Variants in CNTNAP2 observed in about 807,000 individuals in gnomAD.
CNTNAP2 encodes contactin associated protein 2, also known as contactin-associated protein-like 2.
CNTNAP2 carries 98 observed loss-of-function variants against 155.2 expected under a neutral mutation model. That is an observed-to-expected ratio of 0.63 (90% CI 0.54 to 0.75). CNTNAP2 has a LOEUF of 0.75. Among genes scored for constraint, CNTNAP2 ranks in the 30% least tolerant of loss-of-function variants. The pLI is 0.00. For missense variants in CNTNAP2, 1,727 were observed against 1,688.1 expected (o/e 1.02, Z -0.40); for synonymous variants, 651 against 631.2 (o/e 1.03, Z -0.47).
At chr7:147,030,404 T>C (rs1020431697) in intron 3 of CNTNAP2, among the ~76,000 whole-genome samples, 1 of 152,216 alleles carries the variant, frequency 6.6e-6, no homozygotes, top group African/African-American at 2.4e-5. Flanking sequence ...AAACTAATTC[T>C]GTCTGCATTT....
At chr7:148,365,507 A>C (rs1174538476) in intron 21 of CNTNAP2, among the ~76,000 whole-genome samples, 3 of 152,044 alleles carry the variant, frequency 2.0e-5, no homozygotes, top group African/African-American at 7.3e-5. Flanking sequence ...TCTACTAAAA[A>C]TACAAAAATT....
At chr7:147,636,978 A>G (rs1795191445) in intron 12 of CNTNAP2, among the ~76,000 whole-genome samples, 1 of 152,120 alleles carries the variant, frequency 6.6e-6, no homozygotes, top group African/African-American at 2.4e-5. Context: ...GTGCAGAGGC[A>G]CTAAGGAGGG....
intron 9 of CNTNAP2, among the ~76,000 whole-genome samples, chr7:147,353,052 C>T (rs185768841): frequency 6.2e-4 from 93 of 150,764 alleles, no homozygotes; most frequent in Middle Eastern, 6.8e-3. Context: ...TATTATAAAC[C>T]GCAACTCTGT....
At chr7:147,841,747 A>T (rs147335895) in intron 13 of CNTNAP2, among the ~76,000 whole-genome samples, 4,951 of 152,344 alleles carry the variant, frequency 0.032, 133 homozygotes, top group Non-Finnish European at 0.052. Context: ...ATGTTGAAGA[A>T]TGCAAAAATA....
chr7:146,561,038 A>G (rs1798271860), intron 1 of CNTNAP2, among the ~76,000 whole-genome samples: 1 of 152,222 alleles, frequency 6.6e-6, no homozygotes, highest in Admixed American at 6.5e-5. Context: ...TATTATAAAC[A>G]CACAATCACA....
chr7:147,587,647 C>T (rs1390365875), intron 12 of CNTNAP2, among the ~76,000 whole-genome samples: 3 of 152,222 alleles, frequency 2.0e-5, no homozygotes, highest in African/African-American at 4.8e-5. Context: ...AAAGATTTAT[C>T]GATACCTAGT....
intron 1 of CNTNAP2, among the ~76,000 whole-genome samples, chr7:146,757,620 T>A (rs1472125684): frequency 6.6e-6 from 1 of 152,204 alleles, no homozygotes; most frequent in African/African-American, 2.4e-5. Context: ...AATATGTCAC[T>A]TGATCAAGAG....
chr7:146,121,945 TTTTCCCATCTC>T (rs1232890934), intron 1 of CNTNAP2, among the ~76,000 whole-genome samples: 1 of 152,220 alleles, frequency 6.6e-6, no homozygotes, highest in East Asian at 1.9e-4. Context: ...AAACACTGGA[TTTTCCCATCTC>T]CTGGGCTCTG....
At chr7:147,124,864 T>G (rs571702078) in intron 6 of CNTNAP2, among the ~76,000 whole-genome samples, 1 of 140,408 alleles carries the variant, frequency 7.1e-6, no homozygotes, top group African/African-American at 2.7e-5. Context: ...ATGTGGACAT[T>G]TCCTTTTTTT....
intron 9 of CNTNAP2, among the ~76,000 whole-genome samples, chr7:147,374,559 A>G (rs1471081167): frequency 6.6e-6 from 1 of 152,052 alleles, no homozygotes; most frequent in East Asian, 1.9e-4. Flanking sequence ...CATACTGTAA[A>G]GTGCTTTGAA....
At chr7:148,323,174 C>T (rs1459847356) in intron 21 of CNTNAP2, among the ~76,000 whole-genome samples, 2 of 151,966 alleles carry the variant, frequency 1.3e-5, no homozygotes, top group Non-Finnish European at 1.5e-5. Flanking sequence ...GGTTAAATAA[C>T]TAGTCCAAGT....
intron 1 of CNTNAP2, among the ~76,000 whole-genome samples, chr7:146,258,682 C>T (rs967324877): frequency 2.0e-5 from 3 of 152,112 alleles, no homozygotes; most frequent in Non-Finnish European, 4.4e-5. Context: ...CTTCTGAAAC[C>T]TGGTTCCACA....
At chr7:146,924,904 C>A (rs1386993379) in intron 3 of CNTNAP2, among the ~76,000 whole-genome samples, 2 of 151,928 alleles carry the variant, frequency 1.3e-5, no homozygotes, top group South Asian at 2.1e-4. Flanking sequence ...TATTGGCATG[C>A]CAAGAATTGT....
chr7:146,599,488 A>C (rs1200412303), intron 1 of CNTNAP2, among the ~76,000 whole-genome samples: 3 of 151,812 alleles, frequency 2.0e-5, no homozygotes, highest in Admixed American at 1.3e-4. Flanking sequence ...AGAACTATCC[A>C]CTTTCCTTCC....
At position 146,839,818 on chromosome 7, in the gene CNTNAP2, A is replaced by C. The variant is rs1268177906; in HGVS notation, c.316A>C (p.Ser106Arg). Reference sequence around the variant, plus strand: ...CATTGCAACCCAAGGAAGGTATAGCAGCTCAGATTGGGTGACCCAATACCG... The same window carrying C: ...CATTGCAACCCAAGGAAGGTATAGCCGCTCAGATTGGGTGACCCAATACCG... Reference protein sequence around the residue: ...SAIATQGRYSSSDWVTQYRML... With the variant: ...SAIATQGRYSRSDWVTQYRML... Residue 106 changes from serine to arginine, a missense_variant, in exon 3 of 24, where the codon AGC (serine) becomes CGC (arginine). Physicochemically the swap from Ser to Arg is moderately radical, Grantham distance 110. Coordinates refer to ENST00000361727, the MANE Select transcript of CNTNAP2 (RefSeq NM_014141.6). 6.2e-7 allele frequency: 1 copy of C among 1,614,186 alleles called. No individual in the cohort carries two copies. The highest frequency in any genetic ancestry group is 8.5e-7 in the Non-Finnish European group (1 of 1,180,040).
intron 12 of CNTNAP2, among the ~76,000 whole-genome samples, chr7:147,623,958 C>T (rs1386107473): frequency 6.6e-6 from 1 of 151,990 alleles, no homozygotes; most frequent in African/African-American, 2.4e-5. Context: ...GAAACAAATC[C>T]ACACAGCTAC....
chr7:146,310,489 T>C (rs1800800091), intron 1 of CNTNAP2, among the ~76,000 whole-genome samples: 2 of 152,180 alleles, frequency 1.3e-5, no homozygotes. Flanking sequence ...GTGGAAATCA[T>C]GTAGTTCAGT....
rs925927699 is a variant in CNTNAP2, at chr7:147,968,773, C to T, written c.2256-9089C>T. ...CTCTCTCTCTCCCATTCACCCTCCACCATTCACAGAGATTTGATTTCTAGA... is the reference window on the plus strand; with the variant it reads ...CTCTCTCTCTCCCATTCACCCTCCATCATTCACAGAGATTTGATTTCTAGA... On this transcript the variant is annotated intron_variant, in intron 14 of 23. Coordinates refer to ENST00000361727, the MANE Select transcript of CNTNAP2 (RefSeq NM_014141.6). Among the ~76,000 whole-genome samples, 25 of 152,232 alleles carry T rather than the reference C, an allele frequency of 1.6e-4. 1 individual carries two copies. The South Asian group carries it at 1.7e-3, about 10-fold the overall frequency.
intron 1 of CNTNAP2, among the ~76,000 whole-genome samples, chr7:146,451,369 G>A (rs1045890477): frequency 6.6e-6 from 1 of 151,990 alleles, no homozygotes; most frequent in East Asian, 1.9e-4. Context: ...CTTTTCTCTG[G>A]CATTAACTCA....
Sources: allele counts gnomAD v4.1 joint callset (sites outside exome capture counted in the v4.1 genomes callset), GRCh38; gene constraint gnomAD v4.1.1; transcripts MANE v1.5; gene names NCBI Gene and HGNC (gene_info 2026-07-23, HGNC 2026-07-21).